P2RX7: variants seen among roughly 807,000 people sequenced by gnomAD.
The protein encoded by P2RX7 is purinergic receptor P2X 7.
P2RX7 carries 62 observed loss-of-function variants against 71.6 expected under a neutral mutation model. The observed-to-expected ratio is 0.87, with a 90% confidence interval of 0.71 to 1.07. The LOEUF is 1.07. Among genes scored for constraint, P2RX7 ranks in the 50% least tolerant of loss-of-function variants. P2RX7 has a pLI of 0.00. For synonymous variants in P2RX7, 299 were observed against 283.3 expected (o/e 1.06, Z -0.56); for missense variants, 686 against 748.5 (o/e 0.92, Z 0.97).
chr12:121,178,047 CAAAAAAG>C (rs1175543777), intron 11 of P2RX7, among the ~76,000 whole-genome samples: 2 of 150,902 alleles, frequency 1.3e-5, no homozygotes, highest in African/African-American at 2.4e-5. Context: ...TTGGTATAGC[CAAAAAAG>C]AAAAAAGAAA....
In P2RX7 at chr12:121,184,644, C is replaced by T. The variant is rs149170639; in HGVS notation, c.1630C>T (p.Arg544Trp). The T allele has an allele frequency of 9.4e-6, 15 of 1,603,524 alleles. No homozygotes were observed. Among genetic ancestry groups the T allele is most frequent in the Admixed American group, 1.7e-5 (1 of 58,358 alleles). The change falls in exon 13 of 13, where the codon CGG becomes TGG. Residue 544 changes from arginine to tryptophan, a missense_variant. By Grantham distance (101) the Arg-to-Trp change is moderately radical. Transcript: ENST00000328963. ...LALDVDSTNSRLRHCAYRCYA... is the reference protein window; with the variant it reads ...LALDVDSTNSWLRHCAYRCYA... ...GCTGGATGTGGATTCCACCAACAGC[C>T]GGCTGCGGCACTGTGCCTACAGGTG...
Position 121,175,479 on chromosome 12 carries a change from G to T in P2RX7, c.972+1G>T. On this transcript the variant is annotated splice_donor_variant, in intron 9 of 12. Transcript: ENST00000328963. LOFTEE classifies it high-confidence loss of function. ...TTTTGACATCCTGGTTTTTGGCACCGTAAGTCTCGTTTCCCAGCTCCGGGC... is the reference window on the plus strand; with the variant it reads ...TTTTGACATCCTGGTTTTTGGCACCTTAAGTCTCGTTTCCCAGCTCCGGGC... 3.9e-6 allele frequency: 5 copies of T among 1,268,346 alleles called. No individual in the cohort carries two copies. Among genetic ancestry groups the T allele is most frequent in the Non-Finnish European group, 5.8e-6 (5 of 864,212 alleles). 78.6% of individuals were successfully genotyped at this position (1,268,346 alleles called of 1,614,324 possible).
chr12:121,178,655 G>GT (rs1460450882), intron 11 of P2RX7, among the ~76,000 whole-genome samples: 1 of 151,972 alleles, frequency 6.6e-6, no homozygotes, highest in Non-Finnish European at 1.5e-5. Context: ...AGCCAGGCGT[G>GT]GTGGTGCATG....
At chr12:121,158,579 A>G (rs1021080664) in intron 3 of P2RX7, among the ~76,000 whole-genome samples, 12 of 152,204 alleles carry the variant, frequency 7.9e-5, no homozygotes, top group Admixed American at 3.9e-4. Context: ...TGCTGCTTCT[A>G]TTGGCTTTGC....
intron 1 of P2RX7, among the ~76,000 whole-genome samples, chr12:121,141,484 G>A (rs755897825): frequency 3.9e-5 from 6 of 152,208 alleles, no homozygotes; most frequent in Non-Finnish European, 5.9e-5. Context: ...CAGAGAAGGC[G>A]AGGCTGAGGT....
At position 121,177,424 on chromosome 12, in the gene P2RX7, A is replaced by G. The variant is rs200303632; in HGVS notation, c.1166A>G (p.Glu389Gly). 3.1e-6 allele frequency: 5 copies of G among 1,613,560 alleles called. No individual in the cohort carries two copies. The highest frequency in any genetic ancestry group is 4.2e-6 in the Non-Finnish European group (5 of 1,180,036). The change falls in exon 11 of 13, where the codon GAG becomes GGG. Residue 389 changes from glutamate (E) to glycine (G), a missense_variant. Coordinates refer to ENST00000328963, the MANE Select transcript of P2RX7 (RefSeq NM_002562.6). The part of the protein sequence containing the change: ...VNEYYYRKKC[E>G]SIVEPKPTLK... Reference sequence around the variant, plus strand: ...GAATACTACTACAGGAAGAAGTGCGAGTCCATTGTGGAGCCAAAGCCGGTG... The same window carrying G: ...GAATACTACTACAGGAAGAAGTGCGGGTCCATTGTGGAGCCAAAGCCGGTG...
At chr12:121,141,641 T>C (rs1390754431) in intron 1 of P2RX7, among the ~76,000 whole-genome samples, 1 of 152,216 alleles carries the variant, frequency 6.6e-6, no homozygotes, top group African/African-American at 2.4e-5. Context: ...AAGGGTTTTA[T>C]GTTCATATTT....
chr12:121,164,678 A>T (rs1880629672), intron 5 of P2RX7, among the ~76,000 whole-genome samples: 1 of 152,226 alleles, frequency 6.6e-6, no homozygotes, highest in African/African-American at 2.4e-5. Context: ...GCTACTCGGG[A>T]GGCTGAGGCA....
Position 121,147,405 on chromosome 12 carries a change from G to T in P2RX7, c.126-7380G>T, listed in dbSNP as rs555366075. Among the ~76,000 whole-genome samples the T allele has an allele frequency of 2.0e-5, 3 of 152,262 alleles. No individual in the cohort carries two copies. The East Asian group carries it at 5.8e-4, about 29-fold the overall frequency. The stretch of plus-strand genomic sequence containing the variant: ...TTAGCAAAATGGACTTAGAAGAGTG[G>T]TTGGCACATGGTAAGGACTATATTA... On this transcript the variant is annotated intron_variant, in intron 1 of 12. Coordinates refer to ENST00000328963, the MANE Select transcript of P2RX7 (RefSeq NM_002562.6).
chr12:121,183,581 A>ACC (rs1884487870), intron 12 of P2RX7, among the ~76,000 whole-genome samples: 1 of 306 alleles, frequency 3.3e-3, no homozygotes, highest in Non-Finnish European at 0.011. Flanking sequence ...AAAAAAAAAA[A>ACC]ACAACAAATA....
intron 11 of P2RX7, among the ~76,000 whole-genome samples, chr12:121,178,986 C>T (rs976090690): frequency 1.3e-5 from 2 of 151,916 alleles, no homozygotes; most frequent in Non-Finnish European, 2.9e-5. Context: ...TGTACACACA[C>T]ACACACATAC....
chr12:121,160,833 C>T (rs1302589847), intron 3 of P2RX7, 69 bp from the exon 4 acceptor site: 4 of 1,234,984 alleles, frequency 3.2e-6, no homozygotes, highest in South Asian at 2.4e-5. Flanking sequence ...TGGTGGATAT[C>T]GAATCACTTC....
intron 1 of P2RX7, among the ~76,000 whole-genome samples, chr12:121,147,243 C>A (rs565419670): frequency 6.6e-6 from 1 of 152,328 alleles, no homozygotes; most frequent in East Asian, 1.9e-4. Flanking sequence ...CTTGGACAAG[C>A]TTCTCACTTC....
rs371780000 is a variant in P2RX7, at chr12:121,133,266, G to A, written c.125+171G>A. On this transcript the variant is annotated intron_variant, in intron 1 of 12. Transcript: ENST00000328963. Reference sequence around the variant, plus strand: ...GAAGCAGCAGCAGGCAAGAGGAAACGGTGCCAGGCTGCAGCAGAGAGAAGC... The same window carrying A: ...GAAGCAGCAGCAGGCAAGAGGAAACAGTGCCAGGCTGCAGCAGAGAGAAGC... Among the ~76,000 whole-genome samples, 14 of 152,356 alleles carry A rather than the reference G, an allele frequency of 9.2e-5. No homozygotes were observed. In the South Asian group the frequency reaches 1.7e-3, roughly 18 times the overall value.
chr12:121,142,737 G>A (rs935824696), intron 1 of P2RX7, among the ~76,000 whole-genome samples: 9 of 152,198 alleles, frequency 5.9e-5, no homozygotes, highest in Admixed American at 2.0e-4. Flanking sequence ...TTATAAGGAC[G>A]CGTGTAATAG....
intron 1 of P2RX7, among the ~76,000 whole-genome samples, chr12:121,152,724 G>T (rs1401346510): frequency 6.6e-6 from 1 of 152,190 alleles, no homozygotes; most frequent in Non-Finnish European, 1.5e-5. Context: ...CACCATATTG[G>T]CCAGGATGGC....
chr12:121,152,897 C>CCT (rs2136035153), intron 1 of P2RX7, among the ~76,000 whole-genome samples: 1 of 152,272 alleles, frequency 6.6e-6, no homozygotes, highest in African/African-American at 2.4e-5. Flanking sequence ...TCCTGCTTTC[C>CCT]CTCTTACAAG....
At position 121,156,128 on chromosome 12, in the gene P2RX7, A is replaced by G. The variant is rs1419501648; in HGVS notation, c.344A>G (p.Glu115Gly). 2 of 1,614,062 alleles carry G rather than the reference A, an allele frequency of 1.2e-6. No individual in the cohort carries two copies. Among genetic ancestry groups the G allele is most frequent in the African/African-American group, 1.3e-5 (1 of 74,934 alleles). The change falls in exon 3 of 13, where the codon GAG (glutamate) becomes GGG (glycine). Residue 115 changes from glutamate to glycine, a missense_variant. Transcript: ENST00000328963. ...MTNFLKTEGQ[E>G]QRLCPEYPTR... is the part of the protein sequence containing the mutation. ...AACTTTCTCAAAACAGAAGGCCAAG[A>G]GCAGCGGTTGTGTCCCGAGGTAAGG... is the stretch of plus-strand genomic sequence containing the variant.
At chr12:121,177,824 T>C (rs1473569959) in intron 11 of P2RX7, among the ~76,000 whole-genome samples, 2 of 151,982 alleles carry the variant, frequency 1.3e-5, no homozygotes, top group Non-Finnish European at 2.9e-5. Context: ...GTTTAAGTGA[T>C]TCTCCTGCCT....
Sources: gnomAD v4.1 joint callset for allele counts (sites outside exome capture counted in the v4.1 genomes callset) on GRCh38, gnomAD v4.1.1 for gene constraint, MANE v1.5 for transcripts, NCBI Gene and HGNC (gene_info 2026-07-23, HGNC 2026-07-21) for gene names.